ADD1: variants seen among roughly 807,000 people sequenced by gnomAD.
The protein encoded by ADD1 is alpha-adducin.
ADD1 carries 24 observed loss-of-function variants against 80.5 expected under a neutral mutation model. The ratio of observed to expected loss-of-function variants is 0.30; its 90% confidence interval spans 0.22 to 0.42. ADD1 has a LOEUF of 0.42. ADD1 is among the 10% of genes least tolerant of loss of function. The pLI, the probability that ADD1 is intolerant of heterozygous loss-of-function variation, is 1.00. For synonymous variants in ADD1, 373 were observed against 393.8 expected (o/e 0.95, Z 0.63); for missense variants, 948 against 1,019.0 (o/e 0.93, Z 0.95).
chr4:2,856,578 A>T (rs1728094641), intron 1 of ADD1, among the ~76,000 whole-genome samples: 1 of 142,496 alleles, frequency 7.0e-6, no homozygotes, highest in African/African-American at 2.6e-5. Context: ...GTAAATGGTT[A>T]CTAGAGTTTT....
At position 2,928,179 on chromosome 4, in the gene ADD1, C is replaced by T; in HGVS notation, c.2056C>T (p.Pro686Ser). ...CTCACCTCACCCACTAGACCTTGTG[C>T]CGGAGCCGACTACTGGAGATGACAG... ...TPIKLEEDLV[P>S]EPTTGDDSDA... The change falls in exon 16 of 16, where the codon CCG (proline) becomes TCG (serine). Residue 686 changes from proline to serine, a missense_variant. By Grantham distance (74) the Pro-to-Ser change is moderately conservative. Transcript: ENST00000683351. 6.2e-7 allele frequency: 1 copy of T among 1,614,044 alleles called. No individual in the cohort carries two copies. Among genetic ancestry groups the T allele is most frequent in the Non-Finnish European group, 8.5e-7 (1 of 1,179,976 alleles).
intron 11 of ADD1, among the ~76,000 whole-genome samples, chr4:2,908,068 C>T (rs892948574): frequency 6.6e-6 from 1 of 152,208 alleles, no homozygotes; most frequent in Admixed American, 6.5e-5. Flanking sequence ...GATGTTTGCT[C>T]ACGATGTTTG....
At chr4:2,898,394 TC>T in intron 7 of ADD1, 38 bp from the exon 8 acceptor site, 3 of 1,614,056 alleles carry the variant, frequency 1.9e-6, no homozygotes, top group Non-Finnish European at 2.5e-6. Flanking sequence ...GGACCAGTCT[TC>T]CTGCCCAGCT....
intron 13 of ADD1, among the ~76,000 whole-genome samples, chr4:2,913,133 C>A (rs1196810409): frequency 6.6e-6 from 1 of 152,240 alleles, no homozygotes; most frequent in African/African-American, 2.4e-5. Flanking sequence ...CAGGTGTGAG[C>A]CACCATGCCT....
In ADD1 at chr4:2,898,256, G is replaced by C; in HGVS notation, c.814G>C (p.Asp272His). 1.2e-6 allele frequency: 2 copies of C among 1,614,200 alleles called. No homozygotes were observed. Among genetic ancestry groups the C allele is most frequent in the Non-Finnish European group, 1.7e-6 (2 of 1,180,044 alleles). Residue 272 changes from aspartate to histidine, a missense_variant, in exon 7 of 16, where the codon GAC (aspartate) becomes CAC (histidine). Transcript: ENST00000683351. ...TTCCCTTGGAGAAGTGGCTTATCATGACTACCATGGCATTCTGGTTGATGA... is the reference window on the plus strand; with the variant it reads ...TTCCCTTGGAGAAGTGGCTTATCATCACTACCATGGCATTCTGGTTGATGA... ...ALSLGEVAYH[D>H]YHGILVDEEE...
At chr4:2,907,127 A>G (rs903435271) in intron 10 of ADD1, 3 of 152,254 alleles carry the variant, frequency 2.0e-5, no homozygotes, top group South Asian at 4.1e-4. Flanking sequence ...GTAGCACTCA[A>G]AAATATTAAG....
At chr4:2,891,423 G>A (rs1227522845) in intron 4 of ADD1, among the ~76,000 whole-genome samples, 1 of 152,100 alleles carries the variant, frequency 6.6e-6, no homozygotes, top group Non-Finnish European at 1.5e-5. Flanking sequence ...CTCCAGCCTG[G>A]GTGACAGAGT....
At chr4:2,864,813 G>C (rs926698066) in intron 1 of ADD1, among the ~76,000 whole-genome samples, 1 of 152,124 alleles carries the variant, frequency 6.6e-6, no homozygotes, top group Non-Finnish European at 1.5e-5. Context: ...GTTCTTAATG[G>C]TTTGAGTTTT....
intron 10 of ADD1, chr4:2,905,420 A>G (rs1476107969): frequency 1.6e-5 from 6 of 368,176 alleles, no homozygotes; most frequent in Non-Finnish European, 3.0e-5. Flanking sequence ...AATTCAAATT[A>G]TATTCAGGGA....
intron 1 of ADD1, among the ~76,000 whole-genome samples, chr4:2,852,221 C>CCTTT (rs1727313642): frequency 1.5e-5 from 2 of 130,398 alleles, no homozygotes; most frequent in African/African-American, 5.5e-5. Flanking sequence ...TCCTTTCTTT[C>CCTTT]CTTTCTTTCC....
At chr4:2,883,922 C>T (rs554736233) in intron 3 of ADD1, among the ~76,000 whole-genome samples, 37 of 152,326 alleles carry the variant, frequency 2.4e-4, no homozygotes, top group Admixed American at 2.1e-3. Context: ...CCTCCCGCCT[C>T]GGCCTCCCAA....
chr4:2,928,431 G>A lies in ADD1; in HGVS notation c.2308G>A (p.Asp770Asn), dbSNP rs200088947. The change falls in exon 16 of 16, where the codon GAT (aspartate) becomes AAT (asparagine). Residue 770 changes from aspartate (D) to asparagine (N), a missense_variant. Physicochemically the swap from Asp to Asn is conservative, Grantham distance 23 (BLOSUM62 1). Transcript: ENST00000683351. ...GGGGGCCGCCGCGGACCCTGGCAGC[G>A]ATGGGTCTCCAGGCAAGTCCCCGTC... ...EEGAAADPGS[D>N]GSPGKSPSKK... The A allele has an allele frequency of 3.7e-4, 595 of 1,613,480 alleles. No individual in the cohort carries two copies. Among genetic ancestry groups the A allele is most frequent in the East Asian group, 6.9e-4 (31 of 44,870 alleles).
At chr4:2,917,811 T>C (rs1365647211) in intron 14 of ADD1, among the ~76,000 whole-genome samples, 1 of 152,228 alleles carries the variant, frequency 6.6e-6, no homozygotes, top group East Asian at 1.9e-4. Context: ...TTTGTCCAGT[T>C]TGTCAAAGAT....
chr4:2,855,427 T>G (rs887232837), intron 1 of ADD1, among the ~76,000 whole-genome samples: 2 of 152,086 alleles, frequency 1.3e-5, no homozygotes, highest in Admixed American at 1.3e-4. Context: ...TTGTTTTTCT[T>G]TATATTCTTC....
chr4:2,925,805 G>A (rs1226972463), intron 14 of ADD1, among the ~76,000 whole-genome samples: 3 of 152,234 alleles, frequency 2.0e-5, no homozygotes, highest in Admixed American at 1.3e-4. Flanking sequence ...TGTATCTGAA[G>A]TTGGTTAAGT....
At chr4:2,905,175 G>A (rs1228392481) in intron 10 of ADD1, 67 bp downstream of exon 10, 1 of 1,503,246 alleles carries the variant, frequency 6.7e-7, no homozygotes, top group Non-Finnish European at 9.2e-7. Flanking sequence ...GGGCTTCGGA[G>A]GCTTTGGGAA....
chr4:2,883,103 C>A (rs557130730), intron 3 of ADD1, among the ~76,000 whole-genome samples: 106 of 152,212 alleles, frequency 7.0e-4, no homozygotes, highest in Admixed American at 1.2e-3. Context: ...CACAAGTGAT[C>A]CACTCGCCTC....
At chr4:2,886,415 T>G (rs1039056898) in intron 4 of ADD1, among the ~76,000 whole-genome samples, 9 of 152,224 alleles carry the variant, frequency 5.9e-5, no homozygotes, top group Non-Finnish European at 1.2e-4. Context: ...TGTTCTTGTT[T>G]CCGCTTAAAT....
chr4:2,845,159 G>A (rs1028700946), intron 1 of ADD1, among the ~76,000 whole-genome samples: 1 of 151,894 alleles, frequency 6.6e-6, no homozygotes, highest in African/African-American at 2.4e-5. Flanking sequence ...TGCAATCTCC[G>A]CCTCCCAGGT....
Sources: gnomAD v4.1 joint callset for allele counts (sites outside exome capture counted in the v4.1 genomes callset) on GRCh38, gnomAD v4.1.1 for gene constraint, MANE v1.5 for transcripts, NCBI Gene and HGNC (gene_info 2026-07-23, HGNC 2026-07-21) for gene names.